The following GPC6 variants were observed in gnomAD, a reference collection of about 807,000 sequenced individuals.
GPC6 encodes glypican 6.
GPC6 carries 14 observed loss-of-function variants against 55.2 expected under a neutral mutation model. The observed-to-expected ratio is 0.25, with a 90% CI of 0.17 to 0.40. The LOEUF (loss-of-function observed/expected upper bound fraction) is 0.40, where lower values mean the gene tolerates loss of function less well. Ranked by LOEUF, GPC6 falls within the 10% of genes least tolerant of loss-of-function variation. The pLI is 1.00. For missense variants in GPC6, 641 were observed against 708.5 expected (o/e 0.90, Z 1.08); for synonymous variants, 278 against 259.6 (o/e 1.07, Z -0.68).
chr13:93,309,273 G>A (rs1486627857), intron 1 of GPC6, among the ~76,000 whole-genome samples: 1 of 149,672 alleles, frequency 6.7e-6, no homozygotes, highest in African/African-American at 2.4e-5. Context: ...TGGTAGGTAA[G>A]TCTTTATTTT....
chr13:93,315,026 C>T (rs1879200797), intron 1 of GPC6, among the ~76,000 whole-genome samples: 1 of 151,892 alleles, frequency 6.6e-6, no homozygotes, highest in Admixed American at 6.6e-5. Flanking sequence ...GAAAACAGTA[C>T]ATTGTTGGTT....
chr13:93,675,339 C>A (rs1157542034), intron 2 of GPC6, among the ~76,000 whole-genome samples: 8 of 149,180 alleles, frequency 5.4e-5, no homozygotes, highest in African/African-American at 1.5e-4. Flanking sequence ...AAAAAAAAAA[C>A]ATCTATAGTT....
In GPC6 at chr13:94,134,667, G is replaced by GA. The variant is rs1039546253; in HGVS notation, c.877+106779dup. ...TGGAATGTGTTAAATAACCCTTAGA[G>GA]AAAAAACATATTCATCATCTTAGCA... On this transcript the variant is annotated intron_variant, in intron 4 of 8. Transcript: ENST00000377047. Among the ~76,000 whole-genome samples the GA allele has an allele frequency of 4.6e-5, 7 of 152,050 alleles. No individual in the cohort carries two copies. In the South Asian group the frequency reaches 8.3e-4, roughly 18 times the overall value.
At chr13:93,524,663 T>C (rs904480194) in intron 1 of GPC6, among the ~76,000 whole-genome samples, 2 of 152,130 alleles carry the variant, frequency 1.3e-5, no homozygotes, top group African/African-American at 4.8e-5. Flanking sequence ...TTGAGACTTC[T>C]GTACCCAAAG....
At chr13:93,289,524 T>A (rs1287421737) in intron 1 of GPC6, among the ~76,000 whole-genome samples, 1 of 152,206 alleles carries the variant, frequency 6.6e-6, no homozygotes, top group Non-Finnish European at 1.5e-5. Context: ...CAGAACAATT[T>A]ATATGTAGTA....
intron 1 of GPC6, among the ~76,000 whole-genome samples, chr13:93,502,997 C>T (rs1042376747): frequency 8.5e-5 from 13 of 152,080 alleles, no homozygotes; most frequent in African/African-American, 3.1e-4. Context: ...TAAACATTTG[C>T]CAACTAATTT....
At chr13:93,828,342 T>A (rs1887344187) in intron 2 of GPC6, among the ~76,000 whole-genome samples, 1 of 152,144 alleles carries the variant, frequency 6.6e-6, no homozygotes, top group Non-Finnish European at 1.5e-5. Context: ...TCGGAAGGTT[T>A]AACTTATGAT....
At chr13:93,609,487 C>T (rs1478502186) in intron 2 of GPC6, among the ~76,000 whole-genome samples, 1 of 152,224 alleles carries the variant, frequency 6.6e-6, no homozygotes, top group Non-Finnish European at 1.5e-5. Context: ...ATCCGCCGGC[C>T]TTGGCCTCTC....
intron 3 of GPC6, among the ~76,000 whole-genome samples, chr13:93,920,417 C>A (rs1412588648): frequency 6.6e-6 from 1 of 152,120 alleles, no homozygotes; most frequent in Admixed American, 6.5e-5. Context: ...TTTCTAACCT[C>A]TCTTTAGCTT....
At chr13:94,351,709 C>G (rs1878550973) in intron 6 of GPC6, among the ~76,000 whole-genome samples, 1 of 151,920 alleles carries the variant, frequency 6.6e-6, no homozygotes. Flanking sequence ...CCTTAACCCC[C>G]CACCCTAACT....
intron 1 of GPC6, among the ~76,000 whole-genome samples, chr13:93,371,282 C>T (rs1447376439): frequency 6.6e-6 from 1 of 151,976 alleles, no homozygotes; most frequent in Non-Finnish European, 1.5e-5. Context: ...TAGAGTGTGT[C>T]ACATACACCA....
intron 1 of GPC6, among the ~76,000 whole-genome samples, chr13:93,359,711 G>A (rs1880979943): frequency 6.6e-6 from 1 of 152,116 alleles, no homozygotes; most frequent in Admixed American, 6.6e-5. Flanking sequence ...AATATTTCAA[G>A]GTAATGTGAA....
intron 3 of GPC6, among the ~76,000 whole-genome samples, chr13:93,914,116 G>T (rs532688979): frequency 6.6e-6 from 1 of 152,050 alleles, no homozygotes; most frequent in Admixed American, 6.6e-5. Flanking sequence ...TGCACAACGT[G>T]CAGGTTAGTT....
At chr13:93,781,411 A>G (rs1885648117) in intron 2 of GPC6, among the ~76,000 whole-genome samples, 1 of 152,216 alleles carries the variant, frequency 6.6e-6, no homozygotes, top group South Asian at 2.1e-4. Flanking sequence ...ATGAAAAGCC[A>G]AGGTTCAGAA....
chr13:93,217,911 T>C, the GPC6 span, among the ~76,000 whole-genome samples: 1 of 152,196 alleles, frequency 6.6e-6, no homozygotes, highest in Admixed American at 6.5e-5. Flanking sequence ...GATGTTTTTT[T>C]TGGAAGACAG....
rs535238294 is a variant in GPC6, at chr13:93,368,729, C to G, written c.160+141113C>G. On this transcript the variant is annotated intron_variant, in intron 1 of 8. Transcript: ENST00000377047. ...ATTGTTATACAGGAACAAGCTACAC[C>G]TGAATCAGAAAATTATTTAGTTAGC... is the stretch of plus-strand genomic sequence containing the variant. Among the ~76,000 whole-genome samples, 17 of 152,148 alleles carry G rather than the reference C, an allele frequency of 1.1e-4. 1 individual carries two copies. The highest frequency in any genetic ancestry group is 3.6e-4 in the African/African-American group (15 of 41,530).
At chr13:93,856,041 C>T (rs74108896) in intron 3 of GPC6, among the ~76,000 whole-genome samples, 5,247 of 151,486 alleles carry the variant, frequency 0.035, 269 homozygotes, top group East Asian at 0.17. Flanking sequence ...TTAATGAAGT[C>T]CAGTGTATTG....
chr13:93,314,712 GGT>G (rs370613459), intron 1 of GPC6, among the ~76,000 whole-genome samples: 14,978 of 147,204 alleles, frequency 0.1, 816 homozygotes, highest in African/African-American at 0.13. Flanking sequence ...AACAAGGAGG[GGT>G]GTGTGTGTGT....
intron 4 of GPC6, among the ~76,000 whole-genome samples, chr13:94,100,445 G>T (rs1885817255): frequency 6.6e-6 from 1 of 152,122 alleles, no homozygotes. Flanking sequence ...TAAAGAAAAG[G>T]ACTGGAAAGA....
Sources: allele counts gnomAD v4.1 joint callset (sites outside exome capture counted in the v4.1 genomes callset), GRCh38; gene constraint gnomAD v4.1.1; transcripts MANE v1.5; gene names NCBI Gene and HGNC (gene_info 2026-07-23, HGNC 2026-07-21).